CCDC122: variants seen among roughly 807,000 people sequenced by gnomAD.
The protein encoded by CCDC122 is coiled-coil domain-containing protein 122.
Under a neutral mutation model 37.0 loss-of-function variants are expected in CCDC122, and 38 were observed. That is an observed-to-expected ratio of 1.03 (90% CI 0.79 to 1.35). The LOEUF (loss-of-function observed/expected upper bound fraction) is 1.35. CCDC122 is among the 40% of genes most tolerant of loss of function. CCDC122 has a pLI of 0.00. For synonymous variants in CCDC122, 83 were observed against 95.6 expected, an observed-to-expected ratio of 0.87 and a Z score of 0.77; for missense variants, 305 against 310.0, an observed-to-expected ratio of 0.98 and a Z score of 0.12.
chr13:43,846,861 G>A (rs907705029), intron 6 of CCDC122, among the ~76,000 whole-genome samples: 1 of 139,294 alleles, frequency 7.2e-6, no homozygotes, highest in Admixed American at 7.6e-5. Flanking sequence ...CCTCATGAAG[G>A]AGTAAGAATC....
chr13:43,854,483 A>G (rs1303507934), intron 6 of CCDC122: 1 of 152,174 alleles, frequency 6.6e-6, no homozygotes, highest in Non-Finnish European at 1.5e-5. Context: ...TTCAGTAATA[A>G]ATAGCCTACC....
At chr13:43,868,566 G>A in intron 4 of CCDC122, 128 bp downstream of exon 4, 1 of 501,264 alleles carries the variant, frequency 2.0e-6, no homozygotes, top group Non-Finnish European at 3.4e-6. Flanking sequence ...CCTTACTTAG[G>A]GAGAACAGAA....
At chr13:43,869,209 C>T in intron 3 of CCDC122, 122 bp downstream of exon 3, 1 of 749,660 alleles carries the variant, frequency 1.3e-6, no homozygotes, top group South Asian at 1.6e-5. Flanking sequence ...TTTGTCCCAG[C>T]TAAATGTAAC....
chr13:43,824,340 G>A (rs556537424), intron 3 of CCDC122, among the ~76,000 whole-genome samples: 150 of 152,296 alleles, frequency 9.8e-4, no homozygotes, highest in Non-Finnish European at 1.8e-3. Flanking sequence ...GAAAGGACTC[G>A]CACTTATGCC....
intron 1 of CCDC122, among the ~76,000 whole-genome samples, chr13:43,876,988 G>C (rs1954629292): frequency 6.6e-6 from 1 of 152,148 alleles, no homozygotes; most frequent in South Asian, 2.1e-4. Flanking sequence ...GTGCACGCCT[G>C]TAATCCTAGC....
downstream of CCDC122, among the ~76,000 whole-genome samples, chr13:43,835,336 G>C (rs1953135991): frequency 6.6e-6 from 1 of 152,122 alleles, no homozygotes; most frequent in Non-Finnish European, 1.5e-5. Flanking sequence ...GGGAGGGATA[G>C]TATTAGGAGA....
intron 3 of CCDC122, among the ~76,000 whole-genome samples, chr13:43,829,182 G>C (rs1005805071): frequency 3.3e-5 from 5 of 152,164 alleles, no homozygotes; most frequent in African/African-American, 9.7e-5. Flanking sequence ...ATGTCCTATA[G>C]ATCCATACTC....
intron 2 of CCDC122, among the ~76,000 whole-genome samples, chr13:43,872,114 A>G (rs951207348): frequency 6.6e-6 from 1 of 151,816 alleles, no homozygotes; most frequent in African/African-American, 2.4e-5. Context: ...GATGCAAACT[A>G]CTGTTTATTC....
chr13:43,842,043 A>G (rs1483795392), intron 6 of CCDC122, among the ~76,000 whole-genome samples: 2 of 149,388 alleles, frequency 1.3e-5, no homozygotes, highest in African/African-American at 4.9e-5. Context: ...CAAAGAGTAG[A>G]AGTTTCAAAG....
chr13:43,841,711 TTTG>T (rs1315186687), intron 6 of CCDC122, among the ~76,000 whole-genome samples: 6 of 152,150 alleles, frequency 3.9e-5, no homozygotes, highest in Admixed American at 6.5e-5. Context: ...TTCATTTTCT[TTTG>T]TTGTTGTTGT....
chr13:43,821,317 A>G (rs145734819), downstream of CCDC122, among the ~76,000 whole-genome samples: 518 of 152,274 alleles, frequency 3.4e-3, 1 homozygote, highest in African/African-American at 0.012. Context: ...TCCACCTCCC[A>G]AGTTTAAGCT....
At position 43,830,041 on chromosome 13, in the gene CCDC122, A is replaced by G. The variant is rs1254086601; in HGVS notation, n.602-6030T>C. 4.0e-5 allele frequency among the ~76,000 whole-genome samples: 6 copies of G among 151,424 alleles called. No individual in the cohort carries two copies. The East Asian group carries it at 1.2e-3, about 29-fold the overall frequency. ...CAGGGACGCATCACCACGCCCAGCT[A>G]ATTTTTGTATTTTTAGTAGAGACAG... On this transcript the variant is annotated intron_variant and non_coding_transcript_variant, in intron 3 of 3. Transcript: ENST00000470137.
intron 2 of CCDC122, among the ~76,000 whole-genome samples, chr13:43,870,107 T>C (rs941100413): frequency 1.3e-5 from 2 of 152,126 alleles, no homozygotes; most frequent in African/African-American, 2.4e-5. Flanking sequence ...AAACCTGATA[T>C]ATATGCAACA....
intron 4 of CCDC122, among the ~76,000 whole-genome samples, chr13:43,865,319 T>G (rs1954242417): frequency 6.6e-6 from 1 of 152,082 alleles, no homozygotes; most frequent in African/African-American, 2.4e-5. Context: ...GGGGCAGTCT[T>G]ATGGGACTGA....
intron 3 of CCDC122, among the ~76,000 whole-genome samples, chr13:43,825,606 C>A (rs747660292): frequency 2.6e-4 from 40 of 152,078 alleles, no homozygotes; most frequent in Non-Finnish European, 5.3e-4. Flanking sequence ...CTTGTCTCTA[C>A]TAAAAATGTA....
Position 43,868,740 on chromosome 13 carries a change from T to C in CCDC122, c.110A>G (p.Gln37Arg), listed in dbSNP as rs1230534027. 1 of 1,566,144 alleles carries C rather than the reference T, an allele frequency of 6.4e-7. No individual in the cohort carries two copies. The highest frequency in any genetic ancestry group is 1.8e-5 in the Admixed American group (1 of 54,558). The change falls in exon 4 of 7, where the codon CAA becomes CGA. Residue 37 changes from glutamine to arginine, a missense_variant. Transcript: ENST00000444614. ...VEKVAKQQQS[Q>R]ASEIEKNKKV... ...TTTGTTTTTTTCTATCTCTGATGCT[T>C]GTGATTGTTGTTGCTTTGCAACTTT...
chr13:43,871,734 T>A (rs951069157), intron 2 of CCDC122, among the ~76,000 whole-genome samples: 1 of 152,176 alleles, frequency 6.6e-6, no homozygotes, highest in African/African-American at 2.4e-5. Flanking sequence ...AAGATACAGC[T>A]TCCTCATCCT....
intron 6 of CCDC122, chr13:43,848,777 A>G: frequency 1.3e-6 from 1 of 783,508 alleles, no homozygotes. Context: ...GAGAACCAAA[A>G]TATGTAAAAC....
In CCDC122 at chr13:43,869,426, C is replaced by A. The variant is rs57755231; in HGVS notation, c.-50G>T. 4,243 of 1,420,682 alleles carry A rather than the reference C, an allele frequency of 3.0e-3. 121 individuals carry two copies. In the African/African-American group the frequency reaches 0.054, roughly 18 times the overall value. The allele number at this position is 1,420,682 out of a possible 1,614,324, so 88.0% of individuals were successfully genotyped here. On this transcript the variant is annotated 5_prime_UTR_variant, in exon 3 of 7. Coordinates refer to ENST00000444614, the MANE Select transcript of CCDC122 (RefSeq NM_144974.5). ...CCCTTTTTGATTTACCTTCTTTACT[C>A]CTACTCAATAATCTATATTGATAAT...
Sources: gnomAD v4.1 joint callset for allele counts (sites outside exome capture counted in the v4.1 genomes callset) on GRCh38, gnomAD v4.1.1 for gene constraint, MANE v1.5 for transcripts, NCBI Gene and HGNC (gene_info 2026-07-23, HGNC 2026-07-21) for gene names.